RABGAP1L: variants seen among roughly 807,000 people sequenced by gnomAD.
RABGAP1L encodes rab GTPase-activating protein 1-like.
RABGAP1L carries 63 observed loss-of-function variants against 137.7 expected under a neutral mutation model. The ratio of observed to expected loss-of-function variants is 0.46; its 90% CI spans 0.37 to 0.56. The LOEUF (loss-of-function observed/expected upper bound fraction) is 0.56, where lower values mean the gene tolerates loss of function less well. Among genes scored for constraint, RABGAP1L ranks in the 20% least tolerant of loss-of-function variants. The probability of loss-of-function intolerance (pLI) is 0.00; values close to 1 mark genes in which losing one functional copy is unlikely to be tolerated. For missense variants in RABGAP1L, 1,095 were observed against 1,244.0 expected (o/e 0.88, Z 1.80); for synonymous variants, 431 against 433.7 (o/e 0.99, Z 0.08).
intron 13 of RABGAP1L, among the ~76,000 whole-genome samples, chr1:174,494,909 A>G (rs1660602324): frequency 6.6e-6 from 1 of 152,172 alleles, no homozygotes. Flanking sequence ...CAAGTCGATA[A>G]GTCTTTGCCA....
intron 13 of RABGAP1L, among the ~76,000 whole-genome samples, chr1:174,472,247 G>A (rs1658021850): frequency 6.6e-6 from 1 of 152,308 alleles, no homozygotes; most frequent in East Asian, 1.9e-4. Context: ...GTGGTAAGGA[G>A]TGTGGCATCA....
At chr1:174,582,627 A>C (rs1240588822) in intron 13 of RABGAP1L, among the ~76,000 whole-genome samples, 1 of 152,176 alleles carries the variant, frequency 6.6e-6, no homozygotes, top group Admixed American at 6.5e-5. Context: ...GTCGCTGTCC[A>C]CTTCATACAA....
chr1:174,620,421 T>G (rs1672337153), intron 13 of RABGAP1L, among the ~76,000 whole-genome samples: 1 of 151,928 alleles, frequency 6.6e-6, no homozygotes, highest in African/African-American at 2.4e-5. Context: ...GAACAGAAAT[T>G]ATAACAAACT....
At chr1:174,264,331 A>G (rs1380362494) in intron 7 of RABGAP1L, among the ~76,000 whole-genome samples, 1 of 152,038 alleles carries the variant, frequency 6.6e-6, no homozygotes, top group Non-Finnish European at 1.5e-5. Flanking sequence ...CTAATTTTCT[A>G]CTTGTATACT....
At chr1:174,811,570 C>G (rs1689876761) in intron 18 of RABGAP1L, among the ~76,000 whole-genome samples, 1 of 152,092 alleles carries the variant, frequency 6.6e-6, no homozygotes, top group South Asian at 2.1e-4. Flanking sequence ...AACCATCATT[C>G]TAATTTTCAG....
intron 1 of RABGAP1L, among the ~76,000 whole-genome samples, chr1:174,161,075 T>C (rs1180877060): frequency 6.6e-6 from 1 of 152,196 alleles, no homozygotes; most frequent in African/African-American, 2.4e-5. Context: ...GGGTTAGCTC[T>C]AGACTTTGAG....
intron 14 of RABGAP1L, among the ~76,000 whole-genome samples, chr1:174,682,887 T>C (rs184903038): frequency 4.6e-5 from 7 of 152,304 alleles, no homozygotes; most frequent in East Asian, 1.9e-4. Flanking sequence ...ATATCAGTTA[T>C]GTATGTAGCA....
intron 13 of RABGAP1L, among the ~76,000 whole-genome samples, chr1:174,404,843 G>T (rs1048632197): frequency 2.6e-5 from 4 of 152,144 alleles, no homozygotes; most frequent in Non-Finnish European, 5.9e-5. Context: ...TTTGGTAGTT[G>T]CTGGCAAAAA....
At chr1:174,207,093 C>T (rs1668562810) in intron 1 of RABGAP1L, among the ~76,000 whole-genome samples, 1 of 152,110 alleles carries the variant, frequency 6.6e-6, no homozygotes, top group Non-Finnish European at 1.5e-5. Flanking sequence ...TTCCGTATAT[C>T]TTTAAAATGC....
intron 12 of RABGAP1L, among the ~76,000 whole-genome samples, chr1:174,387,250 T>C (rs987777834): frequency 6.6e-6 from 1 of 152,226 alleles, no homozygotes; most frequent in African/African-American, 2.4e-5. Flanking sequence ...CATTCAACTT[T>C]TAAGTCTTAA....
chr1:174,622,576 C>G (rs1672602162), intron 13 of RABGAP1L, among the ~76,000 whole-genome samples: 1 of 152,044 alleles, frequency 6.6e-6, no homozygotes, highest in South Asian at 2.1e-4. Flanking sequence ...AAGTTGGAAA[C>G]CATCATTCTC....
At chr1:174,659,601 G>A (rs964877025) in intron 14 of RABGAP1L, among the ~76,000 whole-genome samples, 1 of 151,820 alleles carries the variant, frequency 6.6e-6, no homozygotes, top group African/African-American at 2.4e-5. Context: ...TTATTGCATT[G>A]GTAGCCTCAT....
At chr1:174,889,945 G>C (rs775390097) in intron 19 of RABGAP1L, among the ~76,000 whole-genome samples, 1 of 151,972 alleles carries the variant, frequency 6.6e-6, no homozygotes, top group Non-Finnish European at 1.5e-5. Flanking sequence ...TCACTATGTT[G>C]CTTTGGCTGG....
In RABGAP1L at chr1:174,626,146, A is replaced by G. The variant is rs907039581; in HGVS notation, c.1711-11229A>G. On this transcript the variant is annotated intron_variant, in intron 13 of 25. Coordinates refer to ENST00000681986, the MANE Select transcript of RABGAP1L (RefSeq NM_001366446.1). Reference sequence around the variant, plus strand: ...CAGTTGGGACAATGAACAGTCAGCAACCCTGAGAACGAAGGCATATCCAAA... The same window carrying G: ...CAGTTGGGACAATGAACAGTCAGCAGCCCTGAGAACGAAGGCATATCCAAA... Among the ~76,000 whole-genome samples the G allele has an allele frequency of 4.6e-5, 7 of 152,170 alleles. 1 individual carries two copies. Among genetic ancestry groups the G allele is most frequent in the Non-Finnish European group, 7.3e-5 (5 of 68,028 alleles).
chr1:174,873,304 C>G (rs1004126717), intron 19 of RABGAP1L, among the ~76,000 whole-genome samples: 1 of 151,254 alleles, frequency 6.6e-6, no homozygotes, highest in Non-Finnish European at 1.5e-5. Flanking sequence ...CTCCTGACCT[C>G]GTGATCCACC....
At chr1:174,269,869 T>A (rs1425128764) in intron 7 of RABGAP1L, among the ~76,000 whole-genome samples, 1 of 152,208 alleles carries the variant, frequency 6.6e-6, no homozygotes, top group Non-Finnish European at 1.5e-5. Flanking sequence ...CTTTTTACCT[T>A]ATCTATAGAG....
At chr1:174,736,548 T>C (rs1049659537) in intron 17 of RABGAP1L, among the ~76,000 whole-genome samples, 5 of 152,228 alleles carry the variant, frequency 3.3e-5, no homozygotes, top group African/African-American at 1.2e-4. Context: ...ACAGCCTCTT[T>C]CCTGCAGCTT....
intron 13 of RABGAP1L, among the ~76,000 whole-genome samples, chr1:174,425,960 A>C (rs1558223391): frequency 6.6e-6 from 1 of 152,110 alleles, no homozygotes; most frequent in East Asian, 1.9e-4. Flanking sequence ...TATATTTATA[A>C]ATAAGTTTCT....
chr1:174,873,950 C>G (rs772300171), intron 19 of RABGAP1L, among the ~76,000 whole-genome samples: 1 of 152,114 alleles, frequency 6.6e-6, no homozygotes, highest in Non-Finnish European at 1.5e-5. Context: ...ATTTTTGTTT[C>G]GGCTGTCTCT....
Sources: gnomAD v4.1 joint callset for allele counts (sites outside exome capture counted in the v4.1 genomes callset) on GRCh38, gnomAD v4.1.1 for gene constraint, MANE v1.5 for transcripts, NCBI Gene and HGNC (gene_info 2026-07-23, HGNC 2026-07-21) for gene names.